Variants in MAN1C1 observed in about 807,000 individuals in gnomAD.
MAN1C1 encodes the protein mannosyl-oligosaccharide 1,2-alpha-mannosidase IC.
Under a neutral mutation model 71.5 loss-of-function variants are expected in MAN1C1, and 49 were observed. That is an observed-to-expected ratio of 0.69 (90% CI 0.54 to 0.87). The LOEUF (loss-of-function observed/expected upper bound fraction) is 0.87, where lower values mean the gene tolerates loss of function less well. Ranked by LOEUF, MAN1C1 falls within the 40% of genes least tolerant of loss-of-function variation. The probability of loss-of-function intolerance (pLI) is 0.00; values close to 1 mark genes in which losing one functional copy is unlikely to be tolerated. For missense variants in MAN1C1, 743 were observed against 835.0 expected, an observed-to-expected ratio of 0.89 and a Z score of 1.36; for synonymous variants, 352 against 343.7, an observed-to-expected ratio of 1.02 and a Z score of -0.27.
intron 4 of MAN1C1, among the ~76,000 whole-genome samples, chr1:25,750,690 T>G (rs2047202424): frequency 6.6e-6 from 1 of 152,216 alleles, no homozygotes; most frequent in African/African-American, 2.4e-5. Flanking sequence ...TGTACCAATT[T>G]GTCCCCAAAT....
chr1:25,664,626 C>A (rs528387694), intron 1 of MAN1C1, among the ~76,000 whole-genome samples: 1 of 152,200 alleles, frequency 6.6e-6, no homozygotes, highest in African/African-American at 2.4e-5. Flanking sequence ...CTGAAATGTT[C>A]TCGGACATAC....
chr1:25,680,740 T>C (rs867568675), intron 1 of MAN1C1, among the ~76,000 whole-genome samples: 12 of 152,240 alleles, frequency 7.9e-5, no homozygotes, highest in Non-Finnish European at 1.3e-4. Context: ...GTTTCCACTT[T>C]TTGGTTATTA....
rs2047715457 is a variant in MAN1C1 at position 25,782,845 on chromosome 1, C to T, written c.1766+145C>T. On this transcript the variant is annotated intron_variant, in intron 11 of 11. Coordinates refer to ENST00000374332, the MANE Select transcript of MAN1C1 (RefSeq NM_020379.4). This position sits in a 1 kb window ranked among gnomAD's most constrained non-coding sequence, Gnocchi z 4.4. Reference sequence around the variant, plus strand: ...AGGGCTTGGGATCCAGAGGGCTGCACCCCAGGTGTGAGCCTTGGGCCAGGC... The same window carrying T: ...AGGGCTTGGGATCCAGAGGGCTGCATCCCAGGTGTGAGCCTTGGGCCAGGC... The T allele has an allele frequency of 1.6e-6, 1 of 628,962 alleles. No homozygotes were observed. The highest frequency in any genetic ancestry group is 2.8e-6 in the Non-Finnish European group (1 of 358,504). 39.0% of individuals were successfully genotyped at this position (628,962 alleles called of 1,614,324 possible).
rs905271195 is a variant in MAN1C1 at position 25,753,113 on chromosome 1, C to T, written c.835-371C>T. ...CTGGACTTGGAGGTGCCCCCCACCC[C>T]CCGCACCTCACTGCTTTCTCCCTCA... On this transcript the variant is annotated intron_variant, in intron 4 of 11. Coordinates refer to ENST00000374332, the MANE Select transcript of MAN1C1 (RefSeq NM_020379.4). This position sits in a 1 kb window ranked among gnomAD's most constrained non-coding sequence, Gnocchi z 4.9. Among the ~76,000 whole-genome samples the T allele has an allele frequency of 2.6e-5, 4 of 152,152 alleles. No individual in the cohort carries two copies. The highest frequency in any genetic ancestry group is 6.5e-5 in the Admixed American group (1 of 15,274).
intron 1 of MAN1C1, among the ~76,000 whole-genome samples, chr1:25,628,033 T>C (rs1350753988): frequency 1.3e-5 from 2 of 151,954 alleles, no homozygotes; most frequent in Non-Finnish European, 2.9e-5. Flanking sequence ...GGTGACAGAG[T>C]GAGGCACTGT....
intron 1 of MAN1C1, among the ~76,000 whole-genome samples, chr1:25,667,484 C>CAA (rs756375842): frequency 0.13 from 6,132 of 49,026 alleles, 863 homozygotes; most frequent in African/African-American, 0.28. Flanking sequence ...GACTCCATCT[C>CAA]AAAAAAAAAA....
chr1:25,703,962 G>A (rs1023244067), intron 2 of MAN1C1, among the ~76,000 whole-genome samples: 5 of 152,262 alleles, frequency 3.3e-5, no homozygotes, highest in South Asian at 4.1e-4. Flanking sequence ...GGGCACTGGC[G>A]GGATCTGTCT....
At position 25,753,189 on chromosome 1, in the gene MAN1C1, C is replaced by T. The variant is rs1027330701; in HGVS notation, c.835-295C>T. 2.0e-5 allele frequency among the ~76,000 whole-genome samples: 3 copies of T among 152,178 alleles called. No homozygotes were observed. The highest frequency in any genetic ancestry group is 4.4e-5 in the Non-Finnish European group (3 of 68,026). ...ATAAGCAGCATCCAGCCTTTGCCAC[C>T]AGAGTCCTGACACTGTGGTAGATGC... is the stretch of plus-strand genomic sequence containing the variant. On this transcript the variant is annotated intron_variant, in intron 4 of 11. Transcript: ENST00000374332. This position sits in a 1 kb window ranked among gnomAD's most constrained non-coding sequence, Gnocchi z 4.9.
At chr1:25,750,770 G>A (rs1410475402) in intron 4 of MAN1C1, among the ~76,000 whole-genome samples, 1 of 152,180 alleles carries the variant, frequency 6.6e-6, no homozygotes, top group East Asian at 1.9e-4. Context: ...TCCAGAACAG[G>A]AAAATGACAG....
Position 25,631,823 on chromosome 1 carries a change from T to C in MAN1C1, c.540+13486T>C, listed in dbSNP as rs1349766404. On this transcript the variant is annotated intron_variant, in intron 1 of 11. Transcript: ENST00000374332. This position sits in a 1 kb window ranked among gnomAD's most constrained non-coding sequence, Gnocchi z 4.2. ...TTTGGAATAGTTTCAGTAGCTGGAG[T>C]GTAGTGGCGCGATCTCAGCTCACTG... Among the ~76,000 whole-genome samples, 4 of 152,200 alleles carry C rather than the reference T, an allele frequency of 2.6e-5. No individual in the cohort carries two copies. Among genetic ancestry groups the C allele is most frequent in the Non-Finnish European group, 5.9e-5 (4 of 68,048 alleles).
intron 2 of MAN1C1, among the ~76,000 whole-genome samples, chr1:25,704,219 G>T (rs1459181719): frequency 6.6e-6 from 1 of 152,202 alleles, no homozygotes; most frequent in Non-Finnish European, 1.5e-5. Context: ...CCTGCCCCCA[G>T]TCCTGCTGCT....
intron 2 of MAN1C1, among the ~76,000 whole-genome samples, chr1:25,715,964 A>G (rs1394173588): frequency 6.6e-6 from 1 of 152,190 alleles, no homozygotes; most frequent in African/African-American, 2.4e-5. Flanking sequence ...TACCCTCAGT[A>G]CTGGCTTCCA....
At position 25,783,880 on chromosome 1, in the gene MAN1C1, G is replaced by A. The variant is rs909360101; in HGVS notation, c.*91G>A. 1.4e-5 allele frequency: 21 copies of A among 1,486,818 alleles called. No individual in the cohort carries two copies. The highest frequency in any genetic ancestry group is 1.9e-5 in the Non-Finnish European group (21 of 1,106,852). The allele number at this position is 1,486,818 out of a possible 1,614,324, so 92.1% of individuals were successfully genotyped here. A position where few individuals can be genotyped will look rare whatever the true frequency, so the allele number is the denominator to read the frequency against. ...GTTCTCAAAGGGATTGGGAACGAAGGCCCCATCTCGGGCAGACCCCCAGCA... is the reference window on the plus strand; with the variant it reads ...GTTCTCAAAGGGATTGGGAACGAAGACCCCATCTCGGGCAGACCCCCAGCA... On this transcript the variant is annotated 3_prime_UTR_variant, in exon 12 of 12. Coordinates refer to ENST00000374332, the MANE Select transcript of MAN1C1 (RefSeq NM_020379.4).
intron 2 of MAN1C1, among the ~76,000 whole-genome samples, chr1:25,705,450 TA>T (rs751474914): frequency 2.8e-4 from 43 of 152,264 alleles, no homozygotes; most frequent in Non-Finnish European, 5.4e-4. Flanking sequence ...GGACTGTTGT[TA>T]TATAGTCTAT....
In MAN1C1 at chr1:25,711,562, A is replaced by G. The variant is rs957131427; in HGVS notation, c.637+25026A>G. 1.3e-5 allele frequency among the ~76,000 whole-genome samples: 2 copies of G among 152,226 alleles called. No individual in the cohort carries two copies. The highest frequency in any genetic ancestry group is 2.9e-5 in the Non-Finnish European group (2 of 68,038). Reference sequence around the variant, plus strand: ...CTCAGCTCCGTTTGATCAAAAGGACAGAACTAAAGGACATATTTTTATTGA... The same window carrying G: ...CTCAGCTCCGTTTGATCAAAAGGACGGAACTAAAGGACATATTTTTATTGA... On this transcript the variant is annotated intron_variant, in intron 2 of 11. Transcript: ENST00000374332. This position sits in a 1 kb window ranked among gnomAD's most constrained non-coding sequence, Gnocchi z 4.3.
intron 1 of MAN1C1, among the ~76,000 whole-genome samples, chr1:25,665,855 CTTTTT>C (rs757054975): frequency 6.2e-5 from 6 of 96,882 alleles, no homozygotes; most frequent in South Asian, 3.6e-4. Context: ...TTGGCATTGG[CTTTTT>C]TTTTTTTTTT....
rs761129399 is a variant in MAN1C1 at position 25,780,927 on chromosome 1, G to T, written c.1478-13G>T. 1.9e-6 allele frequency: 3 copies of T among 1,612,738 alleles called. No homozygotes were observed. The highest frequency in any genetic ancestry group is 2.5e-6 in the Non-Finnish European group (3 of 1,179,286). Reference sequence around the variant, plus strand: ...AGGTCTGACCTGGGCCCTCTGCTTGGCTGTTTCCCCAGACACCAAACTTGG... The same window carrying T: ...AGGTCTGACCTGGGCCCTCTGCTTGTCTGTTTCCCCAGACACCAAACTTGG... On this transcript the variant is annotated splice_polypyrimidine_tract_variant and intron_variant, in intron 9 of 11. Coordinates refer to ENST00000374332, the MANE Select transcript of MAN1C1 (RefSeq NM_020379.4).
At chr1:25,765,633 G>A (rs960343827) in intron 7 of MAN1C1, among the ~76,000 whole-genome samples, 4 of 152,230 alleles carry the variant, frequency 2.6e-5, no homozygotes, top group Non-Finnish European at 5.9e-5. Context: ...GAGGGGCGTA[G>A]GAAGAATGGT....
intron 6 of MAN1C1, among the ~76,000 whole-genome samples, chr1:25,763,192 C>T (rs750688795): frequency 4.6e-5 from 7 of 151,916 alleles, no homozygotes; most frequent in Admixed American, 2.6e-4. Flanking sequence ...CACTTGAACC[C>T]GGGAGGTGGA....
Sources: gnomAD v4.1 joint callset for allele counts (sites outside exome capture counted in the v4.1 genomes callset) on GRCh38, gnomAD v4.1.1 for gene constraint, Gnocchi (gnomAD v3.1) non-coding constraint, MANE v1.5 for transcripts, NCBI Gene and HGNC (gene_info 2026-07-23, HGNC 2026-07-21) for gene names.